Variants in MCOLN1 observed in about 807,000 individuals in gnomAD.
MCOLN1 encodes mucolipin TRP cation channel 1.
In MCOLN1, 50 loss-of-function variants were observed where a neutral mutation model predicts 70.3. The ratio of observed to expected loss-of-function variants is 0.71; its 90% CI spans 0.57 to 0.90. MCOLN1 has a LOEUF of 0.90. MCOLN1 is among the 40% of genes least tolerant of loss of function. The pLI, the probability that MCOLN1 is intolerant of heterozygous loss-of-function variation, is 0.00. For missense variants in MCOLN1, 598 were observed against 803.5 expected (o/e 0.74, Z 3.09); for synonymous variants, 366 against 341.0 (o/e 1.07, Z -0.81).
rs1253934695 is a variant in MCOLN1, at chr19:7,524,486, G to C, written c.32-475G>C. Among the ~76,000 whole-genome samples the C allele has an allele frequency of 6.6e-6, 1 of 152,174 alleles. No individual in the cohort carries two copies. The highest frequency in any genetic ancestry group is 1.5e-5 in the Non-Finnish European group (1 of 68,044). ...GTTCTATGCTCATGTCTGGAAGCTG[G>C]AGTTGGGATAAGCCCAGCAGGCTTG... On this transcript the variant is annotated intron_variant, in intron 1 of 13. Transcript: ENST00000264079. The surrounding 1 kb of genome is among the most constrained non-coding windows in gnomAD (Gnocchi z 4.1).
Position 7,526,326 on chromosome 19 carries a change from C to T in MCOLN1, c.238-113C>T. ...CCCAAGTTAGCAGGGCCCTGCCCCA[C>T]CCCAGTGGACATCTGCAGGGCCCTC... On this transcript the variant is annotated intron_variant, in intron 2 of 13. Transcript: ENST00000264079. The surrounding 1 kb of genome is among the most constrained non-coding windows in gnomAD (Gnocchi z 4.6). 1.6e-6 allele frequency: 2 copies of T among 1,268,464 alleles called. No individual in the cohort carries two copies. The highest frequency in any genetic ancestry group is 2.3e-5 in the East Asian group (1 of 43,176). The allele number at this position is 1,268,464 out of a possible 1,614,324, so 78.6% of individuals were successfully genotyped here. A position where few individuals can be genotyped will look rare whatever the true frequency, so the allele number is the denominator to read the frequency against.
At position 7,533,855 on chromosome 19, in the gene MCOLN1, C is replaced by T. The variant is rs1323524169; in HGVS notation, c.*60C>T. The T allele has an allele frequency of 7.5e-6, 12 of 1,591,236 alleles. No homozygotes were observed. The highest frequency in any genetic ancestry group is 6.7e-5 in the South Asian group (6 of 90,224). ...ACTGCAGAGACCCCCGCCCCCGACC[C>T]CGCTTATTTATTTGTAGGGTTTGCT... On this transcript the variant is annotated 3_prime_UTR_variant, in exon 14 of 14. Coordinates refer to ENST00000264079, the MANE Select transcript of MCOLN1 (RefSeq NM_020533.3).
At position 7,525,590 on chromosome 19, in the gene MCOLN1, C is replaced by G. The variant is rs1169749476; in HGVS notation, c.237+424C>G. ...TTGGGAGCTGGGATTTGAACCCAGGCAGTCTGACACCATGTTGACCCAATG... is the reference window on the plus strand; with the variant it reads ...TTGGGAGCTGGGATTTGAACCCAGGGAGTCTGACACCATGTTGACCCAATG... On this transcript the variant is annotated intron_variant, in intron 2 of 13. Transcript: ENST00000264079. This position sits in a 1 kb window ranked among gnomAD's most constrained non-coding sequence, Gnocchi z 4.2. 3.8e-6 allele frequency: 1 copy of G among 260,416 alleles called. No homozygotes were observed. Among genetic ancestry groups the G allele is most frequent in the African/African-American group, 2.3e-5 (1 of 43,214 alleles). 16.1% of individuals were successfully genotyped at this position (260,416 alleles called of 1,614,324 possible).
chr19:7,525,535 A>G lies in MCOLN1; in HGVS notation c.237+369A>G, dbSNP rs989112546. Reference sequence around the variant, plus strand: ...CTCTGAGGCTCAGAGAGGTTAGGAGACTTGCCCAAAGTCACACAGCAATAG... The same window carrying G: ...CTCTGAGGCTCAGAGAGGTTAGGAGGCTTGCCCAAAGTCACACAGCAATAG... On this transcript the variant is annotated intron_variant, in intron 2 of 13. Coordinates refer to ENST00000264079, the MANE Select transcript of MCOLN1 (RefSeq NM_020533.3). The surrounding 1 kb of genome is among the most constrained non-coding windows in gnomAD (Gnocchi z 4.2). 1.7e-5 allele frequency: 5 copies of G among 294,988 alleles called. No individual in the cohort carries two copies. Among genetic ancestry groups the G allele is most frequent in the Admixed American group, 5.1e-5 (1 of 19,780 alleles). 18.3% of individuals were successfully genotyped at this position (294,988 alleles called of 1,614,324 possible). A position where few individuals can be genotyped will look rare whatever the true frequency, so the allele number is the denominator to read the frequency against.
intron 11 of MCOLN1, among the ~76,000 whole-genome samples, chr19:7,529,965 G>A (rs2022630805): frequency 6.6e-6 from 1 of 152,164 alleles, no homozygotes; most frequent in Non-Finnish European, 1.5e-5. Flanking sequence ...ATTGACCCGT[G>A]GTCCCGGCCA....
chr19:7,530,336 G>A lies in MCOLN1; in HGVS notation c.1410G>A (p.Gly470=). 1 of 1,613,760 alleles carries A rather than the reference G, an allele frequency of 6.2e-7. No homozygotes were observed. The highest frequency in any genetic ancestry group is 8.5e-7 in the Non-Finnish European group (1 of 1,180,042). Reference sequence around the variant, plus strand: ...AGTGCCTGTTCTCGCTCATCAATGGGGACGACATGTTTGTGACGTTCGCCG... The same window carrying A: ...AGTGCCTGTTCTCGCTCATCAATGGAGACGACATGTTTGTGACGTTCGCCG... ...VSECLFSLIN[G]DDMFVTFAAM... Residue 470 remains glycine (G), a synonymous_variant, in exon 12 of 14, where the codon GGG becomes GGA. Coordinates refer to ENST00000264079, the MANE Select transcript of MCOLN1 (RefSeq NM_020533.3).
chr19:7,529,529 G>GGGCC, intron 10 of MCOLN1, 61 bp from the exon 11 acceptor site: 2 of 1,481,630 alleles, frequency 1.3e-6, no homozygotes, highest in Non-Finnish European at 9.2e-7. Context: ...CCATCTGGGT[G>GGGCC]CCCACAGCTG....
rs201211905 is a variant in MCOLN1, at chr19:7,526,886, G to A, written c.531G>A (p.Pro177=). ...ACTACCACCGAGGCCACGTGGACCC[G>A]GCCAACGACACATTTGACATTGATC... The part of the protein sequence containing the change: ...QRYYHRGHVD[P]ANDTFDIDPM... Residue 177 remains proline (P), a synonymous_variant, in exon 4 of 14, where the codon CCG becomes CCA. Coordinates refer to ENST00000264079, the MANE Select transcript of MCOLN1 (RefSeq NM_020533.3). This position sits in a 1 kb window ranked among gnomAD's most constrained non-coding sequence, Gnocchi z 4.6. 4.2e-5 allele frequency: 68 copies of A among 1,614,112 alleles called. 1 individual carries two copies. Among genetic ancestry groups the A allele is most frequent in the South Asian group, 3.5e-4 (32 of 91,074 alleles).
chr19:7,532,211 A>G (rs773070414), intron 12 of MCOLN1, among the ~76,000 whole-genome samples: 21 of 152,198 alleles, frequency 1.4e-4, no homozygotes, highest in Non-Finnish European at 2.8e-4. Context: ...TCAGGTGTGC[A>G]TGATCCGTCC....
chr19:7,529,053 C>A (rs773872169), intron 9 of MCOLN1, 48 bp from the exon 10 acceptor site: 4 of 1,613,414 alleles, frequency 2.5e-6, no homozygotes, highest in Admixed American at 3.3e-5. Flanking sequence ...CCCAGGCCCC[C>A]CAAAGGAAGG....
At position 7,527,526 on chromosome 19, in the gene MCOLN1, T is replaced by A; in HGVS notation, c.578T>A (p.Ile193Asn). 1 of 1,501,918 alleles carries A rather than the reference T, an allele frequency of 6.7e-7. No homozygotes were observed. The highest frequency in any genetic ancestry group is 9.3e-7 in the Non-Finnish European group (1 of 1,077,384). The allele number at this position is 1,501,918 out of a possible 1,614,324, so 93.0% of individuals were successfully genotyped here. ...CCTGACTCCCTGTCCTTAGACTGCA[T>A]CCAGGTGGATCCCCCCGAGCGGCCC... ...DIDPMVVTDC[I>N]QVDPPERPPP... Residue 193 changes from isoleucine to asparagine, a missense_variant, in exon 5 of 14, where the codon ATC becomes AAC. Coordinates refer to ENST00000264079, the MANE Select transcript of MCOLN1 (RefSeq NM_020533.3).
intron 12 of MCOLN1, 46 bp from the exon 13 acceptor site, chr19:7,533,477 G>C (rs1190912871): frequency 1.9e-6 from 3 of 1,608,042 alleles, no homozygotes; most frequent in Non-Finnish European, 2.5e-6. Flanking sequence ...GGGCCTTGGA[G>C]GTTGGGAGCC....
rs1186012254 is a variant in MCOLN1 at position 7,526,663 on chromosome 19, G to A, written c.405+57G>A. The A allele has an allele frequency of 2.5e-6, 4 of 1,595,420 alleles. No homozygotes were observed. The highest frequency in any genetic ancestry group is 2.7e-5 in the African/African-American group (2 of 73,984). On this transcript the variant is annotated intron_variant, in intron 3 of 13. Transcript: ENST00000264079. This position sits in a 1 kb window ranked among gnomAD's most constrained non-coding sequence, Gnocchi z 4.6. ...GGCAGGTGCAGGTGGGCGGGCAGGT[G>A]CAGTTGGGCGGGCAGGTGCTGGTGG...
rs76347024 is a variant in MCOLN1, at chr19:7,532,694, G to A, written c.1576-829G>A. Reference sequence around the variant, plus strand: ...CAAGCCACTGCACTCCAACGTGGGCGAGAGACCGAGACTCTGCTTCAAAGA... The same window carrying A: ...CAAGCCACTGCACTCCAACGTGGGCAAGAGACCGAGACTCTGCTTCAAAGA... On this transcript the variant is annotated intron_variant, in intron 12 of 13. Coordinates refer to ENST00000264079, the MANE Select transcript of MCOLN1 (RefSeq NM_020533.3). 4.1e-3 allele frequency among the ~76,000 whole-genome samples: 629 copies of A among 152,298 alleles called. 11 individuals are homozygous for A. In the East Asian group the frequency reaches 0.047, roughly 11 times the overall value.
Position 7,522,654 on chromosome 19 carries a change from C to A in MCOLN1, c.-97C>A, listed in dbSNP as rs954548104. The A allele has an allele frequency of 2.4e-5, 32 of 1,310,402 alleles. No homozygotes were observed. In the African/African-American group the frequency reaches 4.5e-4, roughly 18 times the overall value. 81.2% of individuals were successfully genotyped at this position (1,310,402 alleles called of 1,614,324 possible). On this transcript the variant is annotated 5_prime_UTR_variant, in exon 1 of 14. Transcript: ENST00000264079. ...TCAGCTGATGCCGGAGGGTTTGAAG[C>A]CGCGCCGCGAGGGAGCGAGGTCGCA... is the stretch of plus-strand genomic sequence containing the variant.
intron 10 of MCOLN1, 94 bp downstream of exon 10, chr19:7,529,296 A>T: frequency 8.4e-7 from 1 of 1,192,330 alleles, no homozygotes; most frequent in Non-Finnish European, 1.2e-6. Flanking sequence ...GCCCCGGCCA[A>T]TGGCCCCTTG....
intron 12 of MCOLN1, 109 bp from the exon 13 acceptor site, chr19:7,533,414 G>A (rs1412274844): frequency 1.4e-6 from 2 of 1,472,378 alleles, no homozygotes; most frequent in Non-Finnish European, 1.9e-6. Flanking sequence ...AAGTGCAAAG[G>A]CCCGGAGGTG....
chr19:7,532,736 T>A (rs1185697357), intron 12 of MCOLN1, among the ~76,000 whole-genome samples: 5 of 152,150 alleles, frequency 3.3e-5, no homozygotes, highest in East Asian at 1.9e-4. Context: ...AACAATTTTT[T>A]AAAAATTTTA....
In MCOLN1 at chr19:7,528,311, G is replaced by C; in HGVS notation, c.877+54G>C. ...GACCAGGGGCCCTGGCCTGTCCTGG[G>C]ATTCCCCAAGCCCCAGATCAGCGCT... On this transcript the variant is annotated intron_variant, in intron 7 of 13. Coordinates refer to ENST00000264079, the MANE Select transcript of MCOLN1 (RefSeq NM_020533.3). This position sits in a 1 kb window ranked among gnomAD's most constrained non-coding sequence, Gnocchi z 4.2. The C allele has an allele frequency of 1.3e-6, 2 of 1,542,384 alleles. No individual in the cohort carries two copies. The highest frequency in any genetic ancestry group is 1.8e-6 in the Non-Finnish European group (2 of 1,116,194).
Sources: gnomAD v4.1 joint callset for allele counts (sites outside exome capture counted in the v4.1 genomes callset) on GRCh38, gnomAD v4.1.1 for gene constraint, Gnocchi (gnomAD v3.1) non-coding constraint, MANE v1.5 for transcripts, NCBI Gene and HGNC (gene_info 2026-07-23, HGNC 2026-07-21) for gene names.